Variants in MYSM1 observed in about 807,000 individuals in gnomAD.
MYSM1 encodes Myb like, SWIRM and MPN domains 1, also known as deubiquitinase MYSM1.
A neutral mutation model predicts 116.0 loss-of-function variants in MYSM1; 51 were observed. The observed-to-expected ratio is 0.44, with a 90% CI of 0.35 to 0.56. MYSM1 has a LOEUF of 0.56. MYSM1 is among the 20% of genes least tolerant of loss of function. MYSM1 has a pLI of 0.00. For synonymous variants in MYSM1, 313 were observed against 315.2 expected (o/e 0.99, Z 0.07); for missense variants, 900 against 974.9 (o/e 0.92, Z 1.02).
chr1:58,667,979 CA>C, intron 14 of MYSM1, 58 bp from the exon 15 acceptor site: 1 of 1,158,286 alleles, frequency 8.6e-7, no homozygotes, highest in South Asian at 1.2e-5. Flanking sequence ...GACAAAGTAA[CA>C]AAACTCACTT....
Position 58,671,731 on chromosome 1 carries a change from C to CA in MYSM1, c.1661+138dup, listed in dbSNP as rs113624712. On this transcript the variant is annotated intron_variant, in intron 12 of 19. Coordinates refer to ENST00000472487, the MANE Select transcript of MYSM1 (RefSeq NM_001085487.3). ...TCTTCCAAATTCATAATCAGTGAAACAAAAAAAATCTAAAAAATTGTAGCA... is the reference window on the plus strand; with the variant it reads ...TCTTCCAAATTCATAATCAGTGAAACAAAAAAAAATCTAAAAAATTGTAGCA... The CA allele has an allele frequency of 0.019, 12,169 of 635,734 alleles. 1,007 individuals carry two copies. The African/African-American group carries it at 0.2, about 10-fold the overall frequency. The allele number at this position is 635,734 out of a possible 1,614,324, so 39.4% of individuals were successfully genotyped here. A position where few individuals can be genotyped will look rare whatever the true frequency, so the allele number is the denominator to read the frequency against.
chr1:58,690,306 C>T (rs1248237497), intron 4 of MYSM1, 34 bp downstream of exon 4: 1 of 1,583,440 alleles, frequency 6.3e-7, no homozygotes, highest in Non-Finnish European at 8.6e-7. Flanking sequence ...AAACTACAAT[C>T]CAGACTTTTA....
At chr1:58,672,212 T>C (rs1644572733) in intron 11 of MYSM1, among the ~76,000 whole-genome samples, 1 of 152,188 alleles carries the variant, frequency 6.6e-6, no homozygotes, top group Non-Finnish European at 1.5e-5. Context: ...ATGGTACCAG[T>C]CACCCAGGTT....
chr1:58,679,655 T>C, intron 8 of MYSM1, among the ~76,000 whole-genome samples: 1 of 152,124 alleles, frequency 6.6e-6, no homozygotes, highest in East Asian at 1.9e-4. Context: ...GACAGGGTCT[T>C]GCTATGTTGC....
intron 11 of MYSM1, 119 bp from the exon 12 acceptor site, chr1:58,672,077 A>G: frequency 2.8e-6 from 2 of 719,750 alleles, no homozygotes; most frequent in Non-Finnish European, 4.6e-6. Flanking sequence ...ATTGATATAG[A>G]TGGGCTTCCT....
intron 11 of MYSM1, 114 bp downstream of exon 11, chr1:58,673,459 G>T: frequency 3.5e-6 from 3 of 862,218 alleles, no homozygotes; most frequent in Non-Finnish European, 5.5e-6. Context: ...ACATGGGAAT[G>T]AACACATACA....
Position 58,675,971 on chromosome 1 carries a change from T to C in MYSM1, c.1391-391A>G, listed in dbSNP as rs1569747756. 3.3e-5 allele frequency among the ~76,000 whole-genome samples: 5 copies of C among 152,166 alleles called. No homozygotes were observed. The South Asian group carries it at 1.0e-3, about 32-fold the overall frequency. ...GCAAACTAAATTCTATCTAGCTCAATATAAAAGAAAATCATATCTGACAGA... is the reference window on the plus strand; with the variant it reads ...GCAAACTAAATTCTATCTAGCTCAACATAAAAGAAAATCATATCTGACAGA... On this transcript the variant is annotated intron_variant, in intron 9 of 19. Coordinates refer to ENST00000472487, the MANE Select transcript of MYSM1 (RefSeq NM_001085487.3).
chr1:58,681,650 C>G (rs1644743711), intron 8 of MYSM1, 135 bp downstream of exon 8: 1 of 904,526 alleles, frequency 1.1e-6, no homozygotes, highest in Non-Finnish European at 1.6e-6. Context: ...TTTTTCATTA[C>G]AAGAAATCTT....
chr1:58,679,906 T>G (rs1256482254), intron 8 of MYSM1, among the ~76,000 whole-genome samples: 2 of 151,802 alleles, frequency 1.3e-5, no homozygotes, highest in Admixed American at 6.6e-5. Flanking sequence ...CACGCACCTG[T>G]AGTCCCAGCT....
chr1:58,668,537 A>C lies in MYSM1; in HGVS notation c.1767+95T>G, dbSNP rs1644507684. 9 of 1,440,184 alleles carry C rather than the reference A, an allele frequency of 6.2e-6. 1 individual carries two copies. In the South Asian group the frequency reaches 1.2e-4, roughly 19 times the overall value. The allele number at this position is 1,440,184 out of a possible 1,614,324, so 89.2% of individuals were successfully genotyped here. On this transcript the variant is annotated intron_variant, in intron 14 of 19. Transcript: ENST00000472487. ...GTAAAAGAGGACAGTTAAGATCCAA[A>C]ATACACGTCTTCCATACTCTGTCTT...
intron 1 of MYSM1, among the ~76,000 whole-genome samples, chr1:58,696,129 A>G (rs1450592794): frequency 6.6e-6 from 1 of 152,190 alleles, no homozygotes; most frequent in Non-Finnish European, 1.5e-5. Context: ...TGGTAAATAG[A>G]TTTAATCTTA....
At chr1:58,672,268 T>C (rs1644573300) in intron 11 of MYSM1, among the ~76,000 whole-genome samples, 1 of 152,138 alleles carries the variant, frequency 6.6e-6, no homozygotes, top group African/African-American at 2.4e-5. Flanking sequence ...CATTTCTACT[T>C]ACCATATTCT....
intron 16 of MYSM1, 97 bp downstream of exon 16, chr1:58,666,941 G>T: frequency 2.0e-6 from 1 of 499,502 alleles, no homozygotes; most frequent in Non-Finnish European, 3.3e-6. Context: ...AAGAATATTA[G>T]AAATGTAATA....
At chr1:58,679,725 C>T (rs930750677) in intron 8 of MYSM1, among the ~76,000 whole-genome samples, 6 of 152,116 alleles carry the variant, frequency 3.9e-5, no homozygotes, top group African/African-American at 1.2e-4. Flanking sequence ...TCCAAAAGCA[C>T]GGGGATGAAA....
chr1:58,694,617 C>CA (rs574682791), intron 2 of MYSM1, among the ~76,000 whole-genome samples: 1,673 of 136,042 alleles, frequency 0.012, 16 homozygotes, highest in South Asian at 0.025. Context: ...GACTGCATCT[C>CA]AAAAAAAAAA....
intron 6 of MYSM1, among the ~76,000 whole-genome samples, chr1:58,687,668 C>A (rs185463925): frequency 5.3e-5 from 8 of 152,274 alleles, no homozygotes; most frequent in Non-Finnish European, 1.2e-4. Context: ...ATATCCCTAT[C>A]CTATCTTGCT....
intron 6 of MYSM1, 56 bp from the exon 7 acceptor site, chr1:58,685,307 T>A: frequency 1.8e-6 from 2 of 1,100,788 alleles, no homozygotes; most frequent in Non-Finnish European, 2.6e-6. Context: ...TTAAGAATAG[T>A]CCAAGCCACT....
chr1:58,665,403 A>G, intron 17 of MYSM1, 96 bp downstream of exon 17: 1 of 979,894 alleles, frequency 1.0e-6, no homozygotes, highest in Admixed American at 2.6e-5. Flanking sequence ...AAACTCTTGC[A>G]TTAAATAATT....
Position 58,695,129 on chromosome 1 carries a change from A to G in MYSM1, c.147T>C (p.Ile49=), listed in dbSNP as rs1312663261. The change falls in exon 2 of 20, where the codon ATT becomes ATC. Residue 49 remains isoleucine, a splice_region_variant and synonymous_variant. Coordinates refer to ENST00000472487, the MANE Select transcript of MYSM1 (RefSeq NM_001085487.3). ...DSSWRTENGL[I]PWTLDNTISE... is the part of the protein sequence containing the mutation. ...CCTGATATTTTTATAAAATACTTAC[A>G]ATAAGGCCATTCTCTGTTCTCCAAG... 3.2e-6 allele frequency: 5 copies of G among 1,581,392 alleles called. No individual in the cohort carries two copies. The highest frequency in any genetic ancestry group is 4.3e-6 in the Non-Finnish European group (5 of 1,151,126).
Sources: gnomAD v4.1 joint callset for allele counts (sites outside exome capture counted in the v4.1 genomes callset) on GRCh38, gnomAD v4.1.1 for gene constraint, MANE v1.5 for transcripts, NCBI Gene and HGNC (gene_info 2026-07-23, HGNC 2026-07-21) for gene names.